The following ZC3H11A variants were observed in gnomAD, a reference collection of about 807,000 sequenced individuals.
The protein encoded by ZC3H11A is zinc finger CCCH-type containing 11A.
In ZC3H11A, 22 loss-of-function variants were observed where a neutral mutation model predicts 90.8. That is an observed-to-expected ratio of 0.24 (90% confidence interval 0.17 to 0.35). The LOEUF (loss-of-function observed/expected upper bound fraction) is 0.35, where lower values mean the gene tolerates loss of function less well. ZC3H11A is among the 10% of genes least tolerant of loss of function. The pLI, the probability that ZC3H11A is intolerant of heterozygous loss-of-function variation, is 1.00. For synonymous variants in ZC3H11A, 294 were observed against 339.8 expected (o/e 0.87, Z 1.48); for missense variants, 701 against 964.9 (o/e 0.73, Z 3.62).
intron 5 of ZC3H11A, 103 bp from the exon 6 acceptor site, chr1:203,829,348 T>C: frequency 1.7e-6 from 2 of 1,161,512 alleles, no homozygotes; most frequent in Non-Finnish European, 1.3e-6. Context: ...GTATAAATGC[T>C]CATAAGACAA....
intron 4 of ZC3H11A, among the ~76,000 whole-genome samples, chr1:203,820,466 TTATG>T (rs1205462498): frequency 7.3e-6 from 1 of 136,396 alleles, no homozygotes; most frequent in African/African-American, 2.9e-5. Flanking sequence ...ATATCACAAA[TTATG>T]TGTGTGTGTG....
chr1:203,851,048 C>A lies in ZC3H11A; in HGVS notation c.2107-9C>A. The stretch of plus-strand genomic sequence containing the variant: ...CTCTCACTGAATTACCTGACTCTTC[C>A]TTTTGTAGGCTGTTGTCCCGCTTGT... On this transcript the variant is annotated splice_polypyrimidine_tract_variant and intron_variant, in intron 16 of 17. Coordinates refer to ENST00000367210, the MANE Select transcript of ZC3H11A (RefSeq NM_001376342.1). The A allele has an allele frequency of 6.2e-7, 1 of 1,613,818 alleles. No individual in the cohort carries two copies. The highest frequency in any genetic ancestry group is 1.1e-5 in the South Asian group (1 of 90,960).
At chr1:203,819,974 C>T (rs1048587644) in intron 4 of ZC3H11A, among the ~76,000 whole-genome samples, 9 of 151,638 alleles carry the variant, frequency 5.9e-5, no homozygotes, top group African/African-American at 9.7e-5. Flanking sequence ...CAGTGGCTCA[C>T]GCCTGTAATC....
At chr1:203,834,864 G>A (rs187881579) in intron 10 of ZC3H11A, among the ~76,000 whole-genome samples, 160 of 152,224 alleles carry the variant, frequency 1.1e-3, no homozygotes, top group Non-Finnish European at 1.8e-3. Flanking sequence ...GGCTGGTCTC[G>A]AACTCCTGCC....
At chr1:203,799,694 G>A in intron 1 of ZC3H11A, 1 of 713,168 alleles carries the variant, frequency 1.4e-6, no homozygotes, top group Admixed American at 2.0e-5. Flanking sequence ...TTTCCCTGCA[G>A]AAACTCAGAG....
chr1:203,799,151 A>G (rs1669705436), intron 1 of ZC3H11A: 2 of 1,477,432 alleles, frequency 1.4e-6, no homozygotes, highest in Non-Finnish European at 9.1e-7. Context: ...TACAAGAATT[A>G]AATGACCAGA....
intron 2 of ZC3H11A, among the ~76,000 whole-genome samples, chr1:203,810,560 C>G (rs984843081): frequency 2.0e-5 from 3 of 151,756 alleles, no homozygotes; most frequent in Non-Finnish European, 4.4e-5. Context: ...GCTGGGACCA[C>G]AGGCGCCCAC....
In ZC3H11A at chr1:203,849,750, C is replaced by G; in HGVS notation, c.1663C>G (p.Gln555Glu). The G allele has an allele frequency of 1.2e-6, 2 of 1,613,898 alleles. No homozygotes were observed. The highest frequency in any genetic ancestry group is 1.7e-6 in the Non-Finnish European group (2 of 1,179,870). ...ETTGVDITKI[Q>E]VKRCETMREK... ...CACAGGAGTTGACATCACTAAAATT[C>G]AAGTCAAGAGATGTGAGACCATGAG... The change falls in exon 15 of 18, where the codon CAA becomes GAA. Residue 555 changes from glutamine to glutamate, a missense_variant. Physicochemically the swap from Gln to Glu is conservative, Grantham distance 29 (BLOSUM62 2). Around this residue, in one of 4 missense-constraint regions of ZC3H11A, gnomAD observed 530 missense variants for 696.2 expected, o/e 0.76. Coordinates refer to ENST00000367210, the MANE Select transcript of ZC3H11A (RefSeq NM_001376342.1).
At chr1:203,803,882 G>A (rs1468144620) in intron 2 of ZC3H11A, among the ~76,000 whole-genome samples, 1 of 152,136 alleles carries the variant, frequency 6.6e-6, no homozygotes, top group Admixed American at 6.5e-5. Flanking sequence ...TGGGATTACA[G>A]GTGTGAGCCA....
chr1:203,821,505 A>G (rs192669114), intron 4 of ZC3H11A, among the ~76,000 whole-genome samples: 164 of 152,152 alleles, frequency 1.1e-3, no homozygotes, highest in African/African-American at 3.1e-3. Flanking sequence ...TGATGTTTCC[A>G]TCATTCTTTG....
At chr1:203,822,379 C>A (rs1679069583) in intron 4 of ZC3H11A, among the ~76,000 whole-genome samples, 2 of 151,916 alleles carry the variant, frequency 1.3e-5, no homozygotes, top group Non-Finnish European at 2.9e-5. Flanking sequence ...CTTGCTTTAC[C>A]ATAGGGACCT....
chr1:203,805,837 T>A, intron 2 of ZC3H11A: 1 of 905,704 alleles, frequency 1.1e-6, no homozygotes, highest in Non-Finnish European at 1.8e-6. Context: ...CAGTGCTTCT[T>A]GGATTTCATT....
At chr1:203,839,865 G>A (rs190060625) in intron 11 of ZC3H11A, among the ~76,000 whole-genome samples, 11 of 151,992 alleles carry the variant, frequency 7.2e-5, no homozygotes, top group African/African-American at 1.9e-4. Flanking sequence ...GTGCAGTAGC[G>A]CTATCTCAGC....
rs2103495038 is a variant in ZC3H11A, at chr1:203,853,915, T to C, written c.*1516T>C. 1 of 152,816 alleles carries C rather than the reference T, an allele frequency of 6.5e-6. No individual in the cohort carries two copies. The highest frequency in any genetic ancestry group is 2.1e-4 in the South Asian group (1 of 4,832). 9.5% of individuals were successfully genotyped at this position (152,816 alleles called of 1,614,324 possible). On this transcript the variant is annotated 3_prime_UTR_variant, in exon 18 of 18. Coordinates refer to ENST00000367210, the MANE Select transcript of ZC3H11A (RefSeq NM_001376342.1). ...TGTTCAGGTTTCACCATGGATTTTC[T>C]ACTTATTTCGTTTTTGGAATCAGCT... is the stretch of plus-strand genomic sequence containing the variant.
Position 203,848,371 on chromosome 1 carries a change from T to G in ZC3H11A, c.1587T>G (p.Val529=), listed in dbSNP as rs1284154947. ...EEKNLQEGNE[V]DSQSSIRTEA... Reference sequence around the variant, plus strand: ...AGAACCTTCAGGAAGGAAATGAAGTTGATTCTCAGAGCAGTATTAGAACAG... The same window carrying G: ...AGAACCTTCAGGAAGGAAATGAAGTGGATTCTCAGAGCAGTATTAGAACAG... Residue 529 remains valine, a synonymous_variant, in exon 14 of 18, where the codon GTT becomes GTG. Coordinates refer to ENST00000367210, the MANE Select transcript of ZC3H11A (RefSeq NM_001376342.1). The G allele has an allele frequency of 6.2e-7, 1 of 1,613,424 alleles. No homozygotes were observed. Among genetic ancestry groups the G allele is most frequent in the Non-Finnish European group, 8.5e-7 (1 of 1,179,732 alleles).
chr1:203,828,539 C>A, intron 5 of ZC3H11A, 117 bp downstream of exon 5: 1 of 1,269,898 alleles, frequency 7.9e-7, no homozygotes. Flanking sequence ...AGAATTATTT[C>A]CACTTTACAG....
intron 3 of ZC3H11A, among the ~76,000 whole-genome samples, chr1:203,818,246 A>G (rs1677032565): frequency 6.7e-6 from 1 of 150,096 alleles, no homozygotes; most frequent in East Asian, 1.9e-4. Context: ...CTAGAGTTAC[A>G]CAAGGCGAGA....
chr1:203,831,337 C>T (rs1231769184), intron 8 of ZC3H11A, among the ~76,000 whole-genome samples: 1 of 152,154 alleles, frequency 6.6e-6, no homozygotes, highest in African/African-American at 2.4e-5. Context: ...TGGATTGATA[C>T]ACCTGATGGC....
chr1:203,835,784 C>T (rs533423763), intron 10 of ZC3H11A: 8 of 238,982 alleles, frequency 3.3e-5, no homozygotes, highest in African/African-American at 1.4e-4. Flanking sequence ...ATCTCTTGCC[C>T]AAATAGAATT....
Sources: gnomAD v4.1 joint callset for allele counts (sites outside exome capture counted in the v4.1 genomes callset) on GRCh38, gnomAD v4.1.1 for gene constraint, gnomAD v4.1.1 regional missense constraint, MANE v1.5 for transcripts, NCBI Gene and HGNC (gene_info 2026-07-23, HGNC 2026-07-21) for gene names.